Variants in ZMIZ1 observed in about 807,000 individuals in gnomAD.
The protein encoded by ZMIZ1 is zinc finger MIZ domain-containing protein 1.
Under a neutral mutation model 113.9 loss-of-function variants are expected in ZMIZ1, and 17 were observed. The ratio of observed to expected loss-of-function variants is 0.15; its 90% CI spans 0.10 to 0.22. The LOEUF is 0.22. Among genes scored for constraint, ZMIZ1 ranks in the 10% least tolerant of loss-of-function variants. The pLI, the probability that ZMIZ1 is intolerant of heterozygous loss-of-function variation, is 1.00. For missense variants in ZMIZ1, 1,059 were observed against 1,477.8 expected (o/e 0.72, Z 4.65); for synonymous variants, 607 against 603.1 (o/e 1.01, Z -0.09).
At chr10:79,158,631 T>C (rs988128437) in intron 3 of ZMIZ1, among the ~76,000 whole-genome samples, 3 of 152,300 alleles carry the variant, frequency 2.0e-5, no homozygotes, top group African/African-American at 7.2e-5. Flanking sequence ...GCATCCTGGA[T>C]TGACTGATCC....
intron 7 of ZMIZ1, among the ~76,000 whole-genome samples, chr10:79,235,421 A>G (rs1363539792): frequency 1.3e-5 from 2 of 152,070 alleles, no homozygotes; most frequent in Non-Finnish European, 2.9e-5. Context: ...TTGCTTCTCA[A>G]CCACCTCTCC....
At chr10:79,270,638 C>T (rs1851890787) in intron 7 of ZMIZ1, among the ~76,000 whole-genome samples, 1 of 152,160 alleles carries the variant, frequency 6.6e-6, no homozygotes, top group African/African-American at 2.4e-5. Context: ...GTCCCCGTGG[C>T]TTCCTGGAGA....
At chr10:79,174,112 T>C (rs1846717812) in intron 4 of ZMIZ1, among the ~76,000 whole-genome samples, 1 of 152,186 alleles carries the variant, frequency 6.6e-6, no homozygotes, top group Non-Finnish European at 1.5e-5. Flanking sequence ...CGTGGGTGCA[T>C]TCCTCAGATC....
intron 19 of ZMIZ1, among the ~76,000 whole-genome samples, chr10:79,304,876 A>G (rs1393851382): frequency 6.6e-6 from 1 of 152,184 alleles, no homozygotes; most frequent in Non-Finnish European, 1.5e-5. Context: ...ATTACAGGGC[A>G]AAAAACAGTG....
chr10:79,310,075 G>A (rs553986883), intron 23 of ZMIZ1, among the ~76,000 whole-genome samples: 26 of 152,220 alleles, frequency 1.7e-4, no homozygotes, highest in South Asian at 6.2e-4. Context: ...AGGAGGGTGC[G>A]AGTCCTCTAG....
At chr10:79,237,260 G>A (rs1238539004) in intron 7 of ZMIZ1, among the ~76,000 whole-genome samples, 8 of 152,226 alleles carry the variant, frequency 5.3e-5, no homozygotes, top group South Asian at 2.1e-4. Context: ...GCTGGGTCAC[G>A]CGGGGGGCTC....
At chr10:79,150,211 C>T (rs900571952) in intron 3 of ZMIZ1, among the ~76,000 whole-genome samples, 5 of 152,336 alleles carry the variant, frequency 3.3e-5, no homozygotes, top group Admixed American at 6.5e-5. Flanking sequence ...CGAGTGGCCA[C>T]CCGCCCACCC....
In ZMIZ1 at chr10:79,135,678, G is replaced by A. The variant is rs370993176; in HGVS notation, c.-226-4004G>A. Among the ~76,000 whole-genome samples the A allele has an allele frequency of 2.6e-4, 39 of 152,310 alleles. No homozygotes were observed. The South Asian group carries it at 5.6e-3, about 22-fold the overall frequency. On this transcript the variant is annotated intron_variant, in intron 2 of 24. Coordinates refer to ENST00000334512, the MANE Select transcript of ZMIZ1 (RefSeq NM_020338.4). ...GAGAGCTAAGGGTCAGGGTCAGCGT[G>A]GCCCATTGGCCCATTGGAGATCCCC... is the stretch of plus-strand genomic sequence containing the variant.
intron 1 of ZMIZ1, among the ~76,000 whole-genome samples, chr10:79,085,801 C>T (rs1842794295): frequency 6.6e-6 from 1 of 152,232 alleles, no homozygotes; most frequent in African/African-American, 2.4e-5. Flanking sequence ...TGTTTCTGAG[C>T]TGTGCCCAGT....
At chr10:79,249,048 G>C (rs1660049470) in intron 7 of ZMIZ1, among the ~76,000 whole-genome samples, 1 of 152,228 alleles carries the variant, frequency 6.6e-6, no homozygotes, top group Admixed American at 6.5e-5. Flanking sequence ...GCAAGGTCTG[G>C]TTCAACCCCT....
chr10:79,184,595 C>A (rs185020497), intron 4 of ZMIZ1, among the ~76,000 whole-genome samples: 1 of 152,350 alleles, frequency 6.6e-6, no homozygotes, highest in Admixed American at 6.5e-5. Context: ...GATCCTCACT[C>A]ACCTCTCTCT....
chr10:79,135,830 C>T (rs1347099682), intron 2 of ZMIZ1, among the ~76,000 whole-genome samples: 1 of 152,176 alleles, frequency 6.6e-6, no homozygotes, highest in Non-Finnish European at 1.5e-5. Context: ...CAAAGTGTCC[C>T]TCAAAGGAAG....
intron 7 of ZMIZ1, among the ~76,000 whole-genome samples, chr10:79,260,057 A>C (rs1257554976): frequency 6.6e-6 from 1 of 152,180 alleles, no homozygotes; most frequent in Non-Finnish European, 1.5e-5. Context: ...TGTGCCCCAG[A>C]CTAGGCTGTG....
chr10:79,111,484 C>G (rs1843735789), intron 1 of ZMIZ1, among the ~76,000 whole-genome samples: 1 of 152,202 alleles, frequency 6.6e-6, no homozygotes, highest in South Asian at 2.1e-4. Flanking sequence ...AGAGCAGAGT[C>G]TTTCCTCTCG....
intron 4 of ZMIZ1, among the ~76,000 whole-genome samples, chr10:79,175,794 T>G (rs999830220): frequency 2.0e-5 from 3 of 151,818 alleles, no homozygotes; most frequent in Admixed American, 1.3e-4. Context: ...GCCCACTCCT[T>G]GCAGGCAGCC....
intron 1 of ZMIZ1, among the ~76,000 whole-genome samples, chr10:79,087,781 CTCCTAGGCA>C (rs1842862712): frequency 6.6e-6 from 1 of 152,248 alleles, no homozygotes; most frequent in African/African-American, 2.4e-5. Context: ...GCCTGGAGAA[CTCCTAGGCA>C]TCCTGCAAAC....
chr10:79,070,186 C>T (rs1842215969), intron 1 of ZMIZ1, among the ~76,000 whole-genome samples: 2 of 152,040 alleles, frequency 1.3e-5, no homozygotes, highest in African/African-American at 4.8e-5. Context: ...CTTCACATTC[C>T]TGGCGTCTGG....
intron 4 of ZMIZ1, among the ~76,000 whole-genome samples, chr10:79,179,347 A>G (rs1847011435): frequency 6.6e-6 from 1 of 152,234 alleles, no homozygotes; most frequent in Admixed American, 6.5e-5. Flanking sequence ...AGCCACTCAG[A>G]TGGGACCTAG....
chr10:79,161,857 ATAT>A (rs1378757496), intron 3 of ZMIZ1, among the ~76,000 whole-genome samples, 193 bp from the exon 4 acceptor site: 2 of 62,128 alleles, frequency 3.2e-5, no homozygotes, highest in African/African-American at 9.2e-5. Flanking sequence ...GTCTGAGAGC[ATAT>A]CTGTAATCAC....
Sources: gnomAD v4.1 joint callset for allele counts (sites outside exome capture counted in the v4.1 genomes callset) on GRCh38, gnomAD v4.1.1 for gene constraint, MANE v1.5 for transcripts, NCBI Gene and HGNC (gene_info 2026-07-23, HGNC 2026-07-21) for gene names.